The following FDX1 variants were observed in gnomAD, a reference collection of about 807,000 sequenced individuals.
The protein encoded by FDX1 is ferredoxin 1.
A neutral mutation model predicts 14.9 loss-of-function variants in FDX1; 9 were observed. The ratio of observed to expected loss-of-function variants is 0.60; its 90% CI spans 0.36 to 1.05. The LOEUF (loss-of-function observed/expected upper bound fraction) is 1.05. Among genes scored for constraint, FDX1 ranks in the 50% least tolerant of loss-of-function variants. The pLI is 0.01. For missense variants in FDX1, 204 were observed against 237.2 expected, an observed-to-expected ratio of 0.86 and a Z score of 0.92; for synonymous variants, 92 against 99.4, an observed-to-expected ratio of 0.93 and a Z score of 0.44.
intron 2 of FDX1, among the ~76,000 whole-genome samples, chr11:110,441,458 G>C (rs1946403782): frequency 6.6e-6 from 1 of 152,194 alleles, no homozygotes; most frequent in South Asian, 2.1e-4. Flanking sequence ...AGGCTGAGGT[G>C]GTCTCAGATG....
intron 2 of FDX1, among the ~76,000 whole-genome samples, chr11:110,456,424 C>T (rs1449384903): frequency 6.6e-6 from 1 of 151,114 alleles, no homozygotes; most frequent in African/African-American, 2.4e-5. Flanking sequence ...CAAACTCATG[C>T]GTGTGTGTGC....
chr11:110,448,206 T>G (rs1000958804), intron 2 of FDX1, among the ~76,000 whole-genome samples: 1 of 152,214 alleles, frequency 6.6e-6, no homozygotes, highest in Non-Finnish European at 1.5e-5. Context: ...CATGTGTCTG[T>G]TTTGAGGGAA....
At chr11:110,433,807 T>C (rs1321272769) in intron 1 of FDX1, among the ~76,000 whole-genome samples, 2 of 152,164 alleles carry the variant, frequency 1.3e-5, no homozygotes, top group Non-Finnish European at 2.9e-5. Flanking sequence ...GTTATAATAT[T>C]AGGGAGGGCA....
intron 1 of FDX1, among the ~76,000 whole-genome samples, chr11:110,430,877 C>T (rs1054097167): frequency 2.0e-5 from 3 of 152,186 alleles, no homozygotes; most frequent in South Asian, 2.1e-4. Context: ...TGTTGAAAGC[C>T]CCTGCGTTGA....
chr11:110,444,732 ATATATATATATACACG>A (rs1946436972), intron 2 of FDX1, among the ~76,000 whole-genome samples: 5 of 66,638 alleles, frequency 7.5e-5, no homozygotes, highest in African/African-American at 3.7e-4. Context: ...ACGTATATAT[ATATATATATATACACG>A]TATATATATA....
chr11:110,441,562 G>A (rs1472581286), intron 2 of FDX1, among the ~76,000 whole-genome samples: 2 of 152,186 alleles, frequency 1.3e-5, no homozygotes, highest in African/African-American at 2.4e-5. Flanking sequence ...CTAGAGATTT[G>A]TGGAACTTTG....
chr11:110,434,462 G>A (rs866253594), intron 1 of FDX1, among the ~76,000 whole-genome samples: 4 of 150,916 alleles, frequency 2.7e-5, no homozygotes, highest in Middle Eastern at 6.9e-3. Context: ...TCAGCCTCCC[G>A]AGTAGCTGGG....
At chr11:110,432,985 T>G (rs1262209709) in intron 1 of FDX1, among the ~76,000 whole-genome samples, 3 of 152,212 alleles carry the variant, frequency 2.0e-5, no homozygotes, top group African/African-American at 4.8e-5. Flanking sequence ...AATCAGTGTG[T>G]GTTGAATTCT....
intron 3 of FDX1, 47 bp from the exon 4 acceptor site, chr11:110,462,307 A>G (rs781765887): frequency 5.8e-6 from 6 of 1,027,436 alleles, no homozygotes; most frequent in Non-Finnish European, 8.9e-6. Flanking sequence ...TGCCTTGTGA[A>G]TATATATACG....
chr11:110,448,543 A>G (rs1946467125), intron 2 of FDX1, among the ~76,000 whole-genome samples: 1 of 152,190 alleles, frequency 6.6e-6, no homozygotes, highest in Non-Finnish European at 1.5e-5. Context: ...CTCAAGTTAC[A>G]TGAAAGGAAA....
intron 3 of FDX1, among the ~76,000 whole-genome samples, chr11:110,461,051 AGAT>A (rs1208237086): frequency 5.1e-4 from 78 of 152,360 alleles, no homozygotes; most frequent in Non-Finnish European, 8.5e-4. Context: ...GTCAATTGTA[AGAT>A]TAACATTTCT....
upstream of FDX1, chr11:110,429,836 G>C (rs1946316116): frequency 3.5e-6 from 1 of 284,006 alleles, no homozygotes; most frequent in Non-Finnish European, 6.5e-6. Flanking sequence ...CTGGAGGGTT[G>C]GTAAAGGCCC....
chr11:110,444,692 A>ATATATATG (rs1946432697), intron 2 of FDX1, among the ~76,000 whole-genome samples: 2 of 80,414 alleles, frequency 2.5e-5, no homozygotes, highest in African/African-American at 1.2e-4. Flanking sequence ...ATACACGTAT[A>ATATATATG]TATATATATA....
At chr11:110,457,070 A>G in intron 3 of FDX1, 23 bp downstream of exon 3, 3 of 1,597,054 alleles carry the variant, frequency 1.9e-6, no homozygotes, top group South Asian at 1.1e-5. Flanking sequence ...GACTGCTTCA[A>G]TTGTAATAAT....
chr11:110,444,083 A>G (rs561041723), intron 2 of FDX1, among the ~76,000 whole-genome samples: 1 of 151,786 alleles, frequency 6.6e-6, no homozygotes, highest in East Asian at 2.0e-4. Context: ...CCACTTACCA[A>G]TTTTTGCTTT....
intron 3 of FDX1, among the ~76,000 whole-genome samples, chr11:110,457,791 A>G (rs1313197607): frequency 1.3e-5 from 2 of 152,188 alleles, no homozygotes; most frequent in Non-Finnish European, 2.9e-5. Flanking sequence ...ATATAGCTAC[A>G]ATTTTGTTAT....
At chr11:110,455,005 T>TTTTTG (rs1448985317) in intron 2 of FDX1, among the ~76,000 whole-genome samples, 3 of 152,140 alleles carry the variant, frequency 2.0e-5, no homozygotes, top group Non-Finnish European at 4.4e-5. Flanking sequence ...TGTTTTTTTG[T>TTTTTG]TTTTGTTTTG....
chr11:110,439,791 A>G (rs763999680), intron 2 of FDX1, among the ~76,000 whole-genome samples: 15 of 152,156 alleles, frequency 9.9e-5, no homozygotes, highest in Non-Finnish European at 2.2e-4. Flanking sequence ...GTTTTCTTCT[A>G]GGACTTTTGT....
Position 110,459,432 on chromosome 11 carries a change from G to A in FDX1, c.440+2385G>A, listed in dbSNP as rs536055350. ...TATTTCTAACCTTCAGGGTTAGGCA[G>A]TACTATCACCATGTTGTAGGTGGGG... On this transcript the variant is annotated intron_variant, in intron 3 of 3. Transcript: ENST00000260270. Among the ~76,000 whole-genome samples the A allele has an allele frequency of 2.0e-5, 3 of 152,330 alleles. No individual in the cohort carries two copies. The South Asian group carries it at 6.2e-4, about 32-fold the overall frequency.
Sources: gnomAD v4.1 joint callset for allele counts (sites outside exome capture counted in the v4.1 genomes callset) on GRCh38, gnomAD v4.1.1 for gene constraint, MANE v1.5 for transcripts, NCBI Gene and HGNC (gene_info 2026-07-23, HGNC 2026-07-21) for gene names.